The following LMAN2 variants were observed in gnomAD, a reference collection of about 807,000 sequenced individuals.
LMAN2 encodes vesicular integral-membrane protein VIP36.
In LMAN2, 22 loss-of-function variants were observed where a neutral mutation model predicts 39.3. The observed-to-expected ratio is 0.56, with a 90% CI of 0.40 to 0.80. The LOEUF (loss-of-function observed/expected upper bound fraction) is 0.80. LMAN2 is among the 30% of genes least tolerant of loss of function. LMAN2 has a pLI of 0.00. For synonymous variants in LMAN2, 207 were observed against 207.8 expected, an observed-to-expected ratio of 1.00 and a Z score of 0.03; for missense variants, 494 against 505.4, an observed-to-expected ratio of 0.98 and a Z score of 0.22.
chr5:177,345,177 CAAAAAAA>C (rs55947322), intron 2 of LMAN2, among the ~76,000 whole-genome samples: 1 of 116,422 alleles, frequency 8.6e-6, no homozygotes, highest in Non-Finnish European at 1.8e-5. Flanking sequence ...CTACTTCTAC[CAAAAAAA>C]AAAAAAAAAA....
At chr5:177,345,149 A>G (rs895386457) in intron 2 of LMAN2, among the ~76,000 whole-genome samples, 1 of 150,286 alleles carries the variant, frequency 6.7e-6, no homozygotes, top group Non-Finnish European at 1.5e-5. Context: ...CGACCAGCCT[A>G]GTCAACATGG....
chr5:177,334,450 G>T, intron 6 of LMAN2, 47 bp from the exon 7 acceptor site: 1 of 1,583,802 alleles, frequency 6.3e-7, no homozygotes, highest in Non-Finnish European at 8.6e-7. Context: ...GCCAGCCGCA[G>T]GGCACGTGGC....
chr5:177,337,883 A>G lies in LMAN2; in HGVS notation c.434-98T>C, dbSNP rs1761498398. The G allele has an allele frequency of 1.0e-6, 1 of 1,001,054 alleles. No individual in the cohort carries two copies. Among genetic ancestry groups the G allele is most frequent in the Admixed American group, 2.0e-5 (1 of 49,296 alleles). 62.0% of individuals were successfully genotyped at this position (1,001,054 alleles called of 1,614,324 possible). A position where few individuals can be genotyped will look rare whatever the true frequency, so the allele number is the denominator to read the frequency against. ...ATGCCAACATGGGTGGGGGCAAGAG[A>G]GCCCAACCCACTGGCCATTCACCGA... On this transcript the variant is annotated intron_variant, in intron 3 of 7. Coordinates refer to ENST00000303127, the MANE Select transcript of LMAN2 (RefSeq NM_006816.3). The surrounding 1 kb of genome is among the most constrained non-coding windows in gnomAD (Gnocchi z 8.2).
chr5:177,348,384 C>G (rs10036404), intron 2 of LMAN2, among the ~76,000 whole-genome samples: 13,501 of 151,966 alleles, frequency 0.089, 1,291 homozygotes, highest in African/African-American at 0.25. Flanking sequence ...AGTACAAGTT[C>G]AATTAAAAAA....
At chr5:177,351,425 C>A in intron 1 of LMAN2, 27 bp downstream of exon 1, 1 of 1,608,964 alleles carries the variant, frequency 6.2e-7, no homozygotes, top group South Asian at 1.1e-5. Flanking sequence ...CCTCACTCTT[C>A]ACTCATTCCC....
intron 2 of LMAN2, among the ~76,000 whole-genome samples, chr5:177,347,210 A>T (rs1355067259): frequency 6.6e-6 from 1 of 152,140 alleles, no homozygotes; most frequent in African/African-American, 2.4e-5. Flanking sequence ...GCACCTGGGG[A>T]CAACACCCTG....
intron 6 of LMAN2, among the ~76,000 whole-genome samples, chr5:177,336,211 T>C (rs1476842611): frequency 6.6e-6 from 1 of 152,006 alleles, no homozygotes; most frequent in Non-Finnish European, 1.5e-5. Context: ...AGGTAACATC[T>C]GAGCAAGGCC....
chr5:177,351,124 G>C, intron 2 of LMAN2, 49 bp downstream of exon 2: 1 of 1,536,400 alleles, frequency 6.5e-7, no homozygotes, highest in South Asian at 1.1e-5. Context: ...GGGAGGCAGG[G>C]ACTAGCAGCC....
At chr5:177,335,005 C>T (rs1761447413) in intron 6 of LMAN2, among the ~76,000 whole-genome samples, 1 of 152,220 alleles carries the variant, frequency 6.6e-6, no homozygotes, top group African/African-American at 2.4e-5. Context: ...ATGGCATGCA[C>T]AGGGAAGAGC....
At chr5:177,334,677 G>A in intron 6 of LMAN2, 1 of 364,162 alleles carries the variant, frequency 2.7e-6, no homozygotes, top group East Asian at 6.1e-5. Flanking sequence ...CCCTCTTTGA[G>A]GCTCATGTTC....
intron 2 of LMAN2, among the ~76,000 whole-genome samples, chr5:177,340,485 C>G: frequency 6.6e-6 from 1 of 152,096 alleles, no homozygotes; most frequent in East Asian, 1.9e-4. Flanking sequence ...TCCTTAAAAA[C>G]AGAGAATCTT....
At chr5:177,351,073 G>C (rs966394278) in intron 2 of LMAN2, 100 bp downstream of exon 2, 9 of 988,974 alleles carry the variant, frequency 9.1e-6, no homozygotes, top group African/African-American at 3.2e-5. Flanking sequence ...GCCAGGGACG[G>C]AGGTGCAAAC....
chr5:177,334,330 G>A lies in LMAN2; in HGVS notation c.864C>T (p.Asp288=), dbSNP rs1186390721. Residue 288 remains aspartate, a synonymous_variant, in exon 7 of 8, where the codon GAC becomes GAT. Coordinates refer to ENST00000303127, the MANE Select transcript of LMAN2 (RefSeq NM_006816.3). ...VEHTPDEESI[D]WTKIEPSVNF... is the part of the protein sequence containing the mutation. ...TGACGCTGGGCTCGATCTTGGTCCAGTCGATGCTCTCCTCGTCGGGCGTGT... is the reference window on the plus strand; with the variant it reads ...TGACGCTGGGCTCGATCTTGGTCCAATCGATGCTCTCCTCGTCGGGCGTGT... 4 of 1,613,250 alleles carry A rather than the reference G, an allele frequency of 2.5e-6. No homozygotes were observed. The Admixed American group carries it at 6.7e-5, about 27-fold the overall frequency.
At position 177,337,526 on chromosome 5, in the gene LMAN2, T is replaced by C. The variant is rs1453884219; in HGVS notation, c.514-2A>G. The C allele has an allele frequency of 1.9e-6, 3 of 1,613,256 alleles. No homozygotes were observed. Among genetic ancestry groups the C allele is most frequent in the Non-Finnish European group, 2.5e-6 (3 of 1,179,680 alleles). On this transcript the variant is annotated splice_acceptor_variant, in intron 4 of 7. Coordinates refer to ENST00000303127, the MANE Select transcript of LMAN2 (RefSeq NM_006816.3). LOFTEE classifies it high-confidence loss of function. This position sits in a 1 kb window ranked among gnomAD's most constrained non-coding sequence, Gnocchi z 8.2. ...CACCGAGATGTACGGGAACACGCGC[T>C]GGGACCAAGACATCGGTTACTCCAC...
Position 177,337,840 on chromosome 5 carries a change from G to T in LMAN2, c.434-55C>A. 6.6e-7 allele frequency: 1 copy of T among 1,525,598 alleles called. No individual in the cohort carries two copies. The highest frequency in any genetic ancestry group is 1.2e-5 in the South Asian group (1 of 86,788). The allele number at this position is 1,525,598 out of a possible 1,614,324, so 94.5% of individuals were successfully genotyped here. On this transcript the variant is annotated intron_variant, in intron 3 of 7. Transcript: ENST00000303127. The surrounding 1 kb of genome is among the most constrained non-coding windows in gnomAD (Gnocchi z 8.2). ...GGGAGAAACAGGAGCCGTCCCATGG[G>T]TACCTAAAAGGCAAGCAATGCCAAC...
chr5:177,347,800 A>G (rs1272693774), intron 2 of LMAN2, among the ~76,000 whole-genome samples: 1 of 152,118 alleles, frequency 6.6e-6, no homozygotes, highest in Non-Finnish European at 1.5e-5. Flanking sequence ...GAAGATCAAA[A>G]TATTCAGTGA....
intron 2 of LMAN2, among the ~76,000 whole-genome samples, chr5:177,344,497 G>A (rs1430042590): frequency 2.0e-5 from 3 of 151,118 alleles, no homozygotes; most frequent in African/African-American, 7.3e-5. Context: ...GGCCAGGATG[G>A]TCTTGATCTC....
At position 177,348,162 on chromosome 5, in the gene LMAN2, C is replaced by T. The variant is rs114029563; in HGVS notation, c.315+3011G>A. 2.2e-3 allele frequency among the ~76,000 whole-genome samples: 328 copies of T among 152,192 alleles called. 1 individual carries two copies. Among genetic ancestry groups the T allele is most frequent in the African/African-American group, 7.5e-3 (313 of 41,516 alleles). On this transcript the variant is annotated intron_variant, in intron 2 of 7. Coordinates refer to ENST00000303127, the MANE Select transcript of LMAN2 (RefSeq NM_006816.3). ...AAAAATGTTTACTTTTGTATAATTA[C>T]TCAAAAACTGTGTAATGCATTTACT...
intron 2 of LMAN2, among the ~76,000 whole-genome samples, chr5:177,350,761 T>C (rs577315126): frequency 3.9e-5 from 6 of 152,340 alleles, no homozygotes; most frequent in Non-Finnish European, 8.8e-5. Context: ...GCAAGGTCAG[T>C]GCCTAATACA....
Sources: allele counts gnomAD v4.1 joint callset (sites outside exome capture counted in the v4.1 genomes callset), GRCh38; gene constraint gnomAD v4.1.1; non-coding constraint Gnocchi (gnomAD v3.1); transcripts MANE v1.5; gene names NCBI Gene and HGNC (gene_info 2026-07-23, HGNC 2026-07-21).